RAP1GDS1: variants seen among roughly 807,000 people sequenced by gnomAD.
RAP1GDS1 encodes the protein RAP1, GTP-GDP dissociation stimulator 1.
Under a neutral mutation model 71.1 loss-of-function variants are expected in RAP1GDS1, and 35 were observed. That is an observed-to-expected ratio of 0.49 (90% confidence interval 0.38 to 0.65). The LOEUF is 0.65. Among genes scored for constraint, RAP1GDS1 ranks in the 30% least tolerant of loss-of-function variants. RAP1GDS1 has a pLI of 0.00. For missense variants in RAP1GDS1, 663 were observed against 706.1 expected, an observed-to-expected ratio of 0.94 and a Z score of 0.69; for synonymous variants, 229 against 243.1, an observed-to-expected ratio of 0.94 and a Z score of 0.54.
intron 2 of RAP1GDS1, among the ~76,000 whole-genome samples, chr4:98,319,012 C>T (rs1578417241): frequency 6.6e-6 from 1 of 152,238 alleles, no homozygotes; most frequent in African/African-American, 2.4e-5. Flanking sequence ...GTTCTGGAAC[C>T]ATGGCTGATC....
At chr4:98,433,901 TAA>T in intron 12 of RAP1GDS1, 33 bp from the exon 13 acceptor site, 2 of 1,561,620 alleles carry the variant, frequency 1.3e-6, no homozygotes, top group Middle Eastern at 1.7e-4. Flanking sequence ...TGTTTAAAAT[TAA>T]AGTCTATAAT....
intron 4 of RAP1GDS1, among the ~76,000 whole-genome samples, chr4:98,362,558 A>T (rs538976411): frequency 6.7e-5 from 10 of 150,318 alleles, no homozygotes; most frequent in Admixed American, 4.6e-4. Flanking sequence ...GGCAAAATTA[A>T]AAGCAGTATA....
At chr4:98,329,551 AG>A (rs1235558672) in intron 2 of RAP1GDS1, among the ~76,000 whole-genome samples, 1 of 152,090 alleles carries the variant, frequency 6.6e-6, no homozygotes, top group Non-Finnish European at 1.5e-5. Context: ...ACACTTTGGG[AG>A]GCCAAGGCAG....
Position 98,440,123 on chromosome 4 carries a change from G to A in RAP1GDS1, c.1697-1867G>A, listed in dbSNP as rs372233910. On this transcript the variant is annotated intron_variant, in intron 14 of 14. Coordinates refer to ENST00000408927, the MANE Select transcript of RAP1GDS1 (RefSeq NM_001100427.2). ...TTTTTGTCTAGCTTATTTTACTTAGGTCTTTAAGGCTTATCTGCATTGTAG... is the reference window on the plus strand; with the variant it reads ...TTTTTGTCTAGCTTATTTTACTTAGATCTTTAAGGCTTATCTGCATTGTAG... Among the ~76,000 whole-genome samples the A allele has an allele frequency of 1.5e-4, 23 of 152,162 alleles. No homozygotes were observed. In the South Asian group the frequency reaches 4.4e-3, roughly 29 times the overall value.
chr4:98,436,014 T>A (rs1182312670), intron 13 of RAP1GDS1, among the ~76,000 whole-genome samples: 1 of 150,684 alleles, frequency 6.6e-6, no homozygotes, highest in Non-Finnish European at 1.5e-5. Flanking sequence ...GAGCTTGCAG[T>A]GAGCCGAGAT....
chr4:98,293,483 T>A lies in RAP1GDS1; in HGVS notation c.80T>A (p.Leu27Ter), dbSNP rs754136751. 1 of 1,609,664 alleles carries A rather than the reference T, an allele frequency of 6.2e-7. No homozygotes were observed. The highest frequency in any genetic ancestry group is 1.3e-5 in the African/African-American group (1 of 74,788). Residue 27 changes from leucine to a stop codon, truncating the protein, a stop_gained, in exon 2 of 15, where the codon TTG becomes TAG. Coordinates refer to ENST00000408927, the MANE Select transcript of RAP1GDS1 (RefSeq NM_001100427.2). LOFTEE classifies it high-confidence loss of function. Reference sequence around the variant, plus strand: ...ACTGAGGATAGTTTAGAAGGATGCTTGGATTGTCTGCTTCAAGCCCTGGCT... The same window carrying A: ...ACTGAGGATAGTTTAGAAGGATGCTAGGATTGTCTGCTTCAAGCCCTGGCT... ...DKTEDSLEGC[L>*]DCLLQALAQN...
At chr4:98,303,622 T>TCAA (rs1728879584) in intron 2 of RAP1GDS1, among the ~76,000 whole-genome samples, 1 of 107,454 alleles carries the variant, frequency 9.3e-6, no homozygotes, top group African/African-American at 3.4e-5. Context: ...AATAAGTAAA[T>TCAA]TAATAATAAT....
intron 9 of RAP1GDS1, among the ~76,000 whole-genome samples, chr4:98,418,354 T>C (rs1748312923): frequency 1.3e-5 from 2 of 152,306 alleles, no homozygotes; most frequent in South Asian, 4.1e-4. Context: ...TACATCACAA[T>C]AAATGAAAAA....
At chr4:98,399,260 AAC>A (rs1188099833) in intron 6 of RAP1GDS1, among the ~76,000 whole-genome samples, 4 of 152,214 alleles carry the variant, frequency 2.6e-5, no homozygotes, top group African/African-American at 9.6e-5. Context: ...CACAGAAAAC[AAC>A]AGAGTGAAAA....
Position 98,416,998 on chromosome 4 carries a change from C to T in RAP1GDS1, c.907+110C>T. 4 of 1,240,096 alleles carry T rather than the reference C, an allele frequency of 3.2e-6. No homozygotes were observed. The South Asian group carries it at 4.4e-5, about 14-fold the overall frequency. The allele number at this position is 1,240,096 out of a possible 1,614,324, so 76.8% of individuals were successfully genotyped here. On this transcript the variant is annotated intron_variant, in intron 8 of 14. Coordinates refer to ENST00000408927, the MANE Select transcript of RAP1GDS1 (RefSeq NM_001100427.2). ...ACATTTTCTCATATTCCTATCTCAC[C>T]TGCTATTGAGGTGATGATTTTGACA...
chr4:98,336,426 T>G (rs1734731358), intron 2 of RAP1GDS1, among the ~76,000 whole-genome samples: 1 of 152,182 alleles, frequency 6.6e-6, no homozygotes, highest in African/African-American at 2.4e-5. Flanking sequence ...CACACATAAC[T>G]TCTCCCACTC....
In RAP1GDS1 at chr4:98,286,065, G is replaced by A. The variant is rs536756642; in HGVS notation, c.5-7343G>A. Among the ~76,000 whole-genome samples, 140 of 151,546 alleles carry A rather than the reference G, an allele frequency of 9.2e-4. 1 individual carries two copies. The highest frequency in any genetic ancestry group is 3.0e-3 in the African/African-American group (124 of 41,378). ...GAGGATGGCTTGAGCTCAGGAGGTC[G>A]AGACCAGCCTGGGCAACATAGAAAG... On this transcript the variant is annotated intron_variant, in intron 1 of 14. Transcript: ENST00000408927.
intron 4 of RAP1GDS1, among the ~76,000 whole-genome samples, chr4:98,370,761 G>A (rs544099473): frequency 2.6e-5 from 4 of 152,084 alleles, no homozygotes; most frequent in Admixed American, 2.6e-4. Flanking sequence ...AGTAGAGATG[G>A]GGTTTTGCCA....
In RAP1GDS1 at chr4:98,390,333, G is replaced by A. The variant is rs187374035; in HGVS notation, c.509-1619G>A. Among the ~76,000 whole-genome samples, 183 of 152,134 alleles carry A rather than the reference G, an allele frequency of 1.2e-3. 3 individuals carry two copies. The highest frequency in any genetic ancestry group is 0.01 in the Middle Eastern group (3 of 294). ...TTCAGAAAAAAATTTAACATCAAAA[G>A]TATAAATACAGATTACTTAGTTGAG... On this transcript the variant is annotated intron_variant, in intron 5 of 14. Transcript: ENST00000408927.
chr4:98,418,472 AT>A (rs958596425), intron 9 of RAP1GDS1, among the ~76,000 whole-genome samples, 184 bp from the exon 10 acceptor site: 6 of 152,046 alleles, frequency 3.9e-5, no homozygotes, highest in African/African-American at 9.7e-5. Flanking sequence ...TAGTTTAAGA[AT>A]TTTTTTTAAC....
intron 2 of RAP1GDS1, among the ~76,000 whole-genome samples, chr4:98,315,935 G>A (rs58977062): frequency 0.012 from 1,894 of 152,268 alleles, 41 homozygotes; most frequent in African/African-American, 0.044. Context: ...AATCTTTAGA[G>A]TTCCAGGGCC....
intron 12 of RAP1GDS1, among the ~76,000 whole-genome samples, chr4:98,422,208 A>G (rs1748984648): frequency 6.6e-6 from 1 of 152,002 alleles, no homozygotes; most frequent in Admixed American, 6.6e-5. Context: ...TCAAAATAAA[A>G]TAAAATACTG....
chr4:98,405,691 G>A (rs1401035285), intron 7 of RAP1GDS1, among the ~76,000 whole-genome samples: 4 of 151,844 alleles, frequency 2.6e-5, no homozygotes, highest in Non-Finnish European at 1.5e-5. Flanking sequence ...GAAAACCAAT[G>A]ACCAAAATTA....
At chr4:98,400,528 T>TA (rs774732053) in intron 6 of RAP1GDS1, among the ~76,000 whole-genome samples, 8,142 of 74,228 alleles carry the variant, frequency 0.11, 326 homozygotes, top group Middle Eastern at 0.17. Context: ...TTTATAGAAG[T>TA]AAAAAAAAAA....
Sources: gnomAD v4.1 joint callset for allele counts (sites outside exome capture counted in the v4.1 genomes callset) on GRCh38, gnomAD v4.1.1 for gene constraint, MANE v1.5 for transcripts, NCBI Gene and HGNC (gene_info 2026-07-23, HGNC 2026-07-21) for gene names.